The following FSTL4 variants were observed in gnomAD, a reference collection of about 807,000 sequenced individuals.
FSTL4 encodes the protein follistatin-related protein 4.
In FSTL4, 28 loss-of-function variants were observed where a neutral mutation model predicts 78.2. That is an observed-to-expected ratio of 0.36 (90% CI 0.27 to 0.49). The LOEUF (loss-of-function observed/expected upper bound fraction) is 0.49. Among genes scored for constraint, FSTL4 ranks in the 20% least tolerant of loss-of-function variants. The pLI is 0.98. For missense variants in FSTL4, 922 were observed against 1,084.9 expected, an observed-to-expected ratio of 0.85 and a Z score of 2.11; for synonymous variants, 422 against 440.5, an observed-to-expected ratio of 0.96 and a Z score of 0.53.
chr5:133,676,709 T>G, the FSTL4 span, among the ~76,000 whole-genome samples: 1 of 152,246 alleles, frequency 6.6e-6, no homozygotes, highest in Non-Finnish European at 1.5e-5. Flanking sequence ...TCTTTTGGCC[T>G]TCTTAGAATA....
At chr5:133,661,059 C>T in the FSTL4 span, among the ~76,000 whole-genome samples, 1 of 152,298 alleles carries the variant, frequency 6.6e-6, no homozygotes, top group Middle Eastern at 3.4e-3. Context: ...GGCACGAGCT[C>T]AGCTCATTGC....
the FSTL4 span, among the ~76,000 whole-genome samples, chr5:133,653,022 T>C: frequency 6.6e-6 from 1 of 152,120 alleles, no homozygotes; most frequent in African/African-American, 2.4e-5. Flanking sequence ...ATAGAAGTGC[T>C]CATTCCTTGT....
chr5:133,685,324 C>T, the FSTL4 span, among the ~76,000 whole-genome samples: 2 of 152,160 alleles, frequency 1.3e-5, no homozygotes, highest in African/African-American at 4.8e-5. Context: ...AATATGGCTC[C>T]TCGGAAGAAA....
At chr5:133,762,863 A>T in the FSTL4 span, among the ~76,000 whole-genome samples, 1 of 152,192 alleles carries the variant, frequency 6.6e-6, no homozygotes, top group East Asian at 1.9e-4. Flanking sequence ...TCCCTGACTC[A>T]CTTGGACCAA....
intron 6 of FSTL4, among the ~76,000 whole-genome samples, chr5:133,257,902 C>T (rs1040257341): frequency 6.6e-6 from 1 of 152,168 alleles, no homozygotes; most frequent in Non-Finnish European, 1.5e-5. Flanking sequence ...CTGCCTATTA[C>T]TTTGGTGTCT....
At chr5:133,817,169 C>T in the FSTL4 span, among the ~76,000 whole-genome samples, 9 of 152,220 alleles carry the variant, frequency 5.9e-5, no homozygotes, top group Non-Finnish European at 1.3e-4. Context: ...TTTTTAAATC[C>T]TCGCGACAGC....
rs1460340945 is a variant in FSTL4 at position 133,236,640 on chromosome 5, T to A, written c.895-3103A>T. Among the ~76,000 whole-genome samples, 1 of 152,120 alleles carries A rather than the reference T, an allele frequency of 6.6e-6. No individual in the cohort carries two copies. The highest frequency in any genetic ancestry group is 1.5e-5 in the Non-Finnish European group (1 of 68,022). ...CCCTGAGCCAGCCACATCACGCCCC[T>A]CATACTCAGAGCCTTGTTTGCTGGG... is the stretch of plus-strand genomic sequence containing the variant. On this transcript the variant is annotated intron_variant, in intron 7 of 15. Transcript: ENST00000265342. This position sits in a 1 kb window ranked among gnomAD's most constrained non-coding sequence, Gnocchi z 5.0.
chr5:133,641,622 A>T, the FSTL4 span, among the ~76,000 whole-genome samples: 7,546 of 152,272 alleles, frequency 0.05, 609 homozygotes, highest in African/African-American at 0.17. Context: ...GTATATACAC[A>T]TACATAGGCA....
chr5:133,402,610 A>G (rs1051556701), intron 3 of FSTL4, among the ~76,000 whole-genome samples: 25 of 152,230 alleles, frequency 1.6e-4, no homozygotes, highest in Non-Finnish European at 2.9e-5. Flanking sequence ...AAAAGAAAAA[A>G]ATATATTTTT....
intron 2 of FSTL4, among the ~76,000 whole-genome samples, chr5:133,590,822 G>A (rs1760607778): frequency 6.6e-6 from 1 of 152,164 alleles, no homozygotes; most frequent in Non-Finnish European, 1.5e-5. Flanking sequence ...AGTCTGGGAA[G>A]TCCAAGATTG....
the FSTL4 span, among the ~76,000 whole-genome samples, chr5:133,734,178 A>T: frequency 6.6e-6 from 1 of 151,962 alleles, no homozygotes; most frequent in Non-Finnish European, 1.5e-5. Flanking sequence ...AGAGTGTCCA[A>T]AAATGTGAGA....
At chr5:133,688,414 A>G in the FSTL4 span, among the ~76,000 whole-genome samples, 1,278 of 152,324 alleles carry the variant, frequency 8.4e-3, 26 homozygotes, top group East Asian at 0.03. Context: ...CTCCGTCTCA[A>G]AAAAAACAAA....
At chr5:133,452,348 G>A (rs530492139) in intron 3 of FSTL4, among the ~76,000 whole-genome samples, 16 of 152,324 alleles carry the variant, frequency 1.1e-4, no homozygotes, top group Non-Finnish European at 1.9e-4. Context: ...TTTTAAAGGC[G>A]ACAAAGGTAT....
intron 3 of FSTL4, among the ~76,000 whole-genome samples, chr5:133,512,206 C>T (rs1758749288): frequency 6.6e-6 from 1 of 152,240 alleles, no homozygotes; most frequent in Admixed American, 6.5e-5. Flanking sequence ...CTGTAGGCGG[C>T]AGACCGTGCT....
rs1405142570 is a variant in FSTL4 at position 133,220,768 on chromosome 5, C to T, written c.1438G>A (p.Glu480Lys). 1 of 1,596,920 alleles carries T rather than the reference C, an allele frequency of 6.3e-7. No individual in the cohort carries two copies. The highest frequency in any genetic ancestry group is 8.6e-7 in the Non-Finnish European group (1 of 1,164,282). ...CEIQRHLKPT[E>K]KIFMSYEEIC... ...CTTACATAGCTCATGAAAATCTTTT[C>T]CGTGGGTTTGAGGTGCCTCTGGATC... The change falls in exon 12 of 16, where the codon GAA becomes AAA. Residue 480 changes from glutamate to lysine, a missense_variant. Transcript: ENST00000265342.
intron 3 of FSTL4, among the ~76,000 whole-genome samples, chr5:133,537,073 T>G (rs1385893313): frequency 2.0e-5 from 3 of 152,188 alleles, no homozygotes; most frequent in African/African-American, 7.2e-5. Context: ...TGCACAAGCT[T>G]CTGCTCTCAC....
chr5:133,414,329 C>A (rs1756535039), intron 3 of FSTL4, among the ~76,000 whole-genome samples: 1 of 152,094 alleles, frequency 6.6e-6, no homozygotes, highest in Non-Finnish European at 1.5e-5. Flanking sequence ...GGGTGGATTT[C>A]TTTCTTTCTT....
chr5:133,766,782 G>T, the FSTL4 span, among the ~76,000 whole-genome samples: 7 of 152,316 alleles, frequency 4.6e-5, no homozygotes, highest in East Asian at 1.2e-3. Flanking sequence ...CATTCCTACC[G>T]ATGAGACAGA....
intron 6 of FSTL4, among the ~76,000 whole-genome samples, chr5:133,281,899 C>G (rs1228319884): frequency 3.9e-5 from 6 of 152,128 alleles, no homozygotes. Context: ...GTTGACAAAC[C>G]TGGGTCTGAA....
Sources: gnomAD v4.1 joint callset for allele counts (sites outside exome capture counted in the v4.1 genomes callset) on GRCh38, gnomAD v4.1.1 for gene constraint, Gnocchi (gnomAD v3.1) non-coding constraint, MANE v1.5 for transcripts, NCBI Gene and HGNC (gene_info 2026-07-23, HGNC 2026-07-21) for gene names.